ITGB4: variants seen among roughly 807,000 people sequenced by gnomAD.
The protein encoded by ITGB4 is integrin subunit beta 4.
Under a neutral mutation model 207.6 loss-of-function variants are expected in ITGB4, and 159 were observed. That is an observed-to-expected ratio of 0.77 (90% CI 0.67 to 0.87). The LOEUF is 0.87. Ranked by LOEUF, ITGB4 falls within the 40% of genes least tolerant of loss-of-function variation. ITGB4 has a pLI of 0.00. For missense variants in ITGB4, 2,278 were observed against 2,546.8 expected, an observed-to-expected ratio of 0.89 and a Z score of 2.27; for synonymous variants, 1,020 against 1,062.7, an observed-to-expected ratio of 0.96 and a Z score of 0.78.
chr17:75,755,026 C>G (rs773261172), intron 34 of ITGB4: 9 of 1,586,396 alleles, frequency 5.7e-6, no homozygotes, highest in Non-Finnish European at 7.7e-6. Context: ...ACTCCCTGCT[C>G]CTCTCACTCT....
rs987495799 is a variant in ITGB4, at chr17:75,742,550, C to A, written c.2783-32C>A. On this transcript the variant is annotated intron_variant, in intron 24 of 39. Coordinates refer to ENST00000200181, the MANE Select transcript of ITGB4 (RefSeq NM_000213.5). This position sits in a 1 kb window ranked among gnomAD's most constrained non-coding sequence, Gnocchi z 5.9. ...CCTCCCGCCTGTGTGGCCCTGTGAC[C>A]CACCTCTGACCACCTCCGAACCCCC... The A allele has an allele frequency of 6.2e-7, 1 of 1,613,596 alleles. No homozygotes were observed. Among genetic ancestry groups the A allele is most frequent in the South Asian group, 1.1e-5 (1 of 91,076 alleles).
At position 75,740,474 on chromosome 17, in the gene ITGB4, G is replaced by A. The variant is rs1278649423; in HGVS notation, c.2550+13G>A. On this transcript the variant is annotated intron_variant, in intron 21 of 39. Transcript: ENST00000200181. This position sits in a 1 kb window ranked among gnomAD's most constrained non-coding sequence, Gnocchi z 5.9. ...GGTGGAGGAGAACGTAAGGACCCAG[G>A]AACTAGGCCTGGCCGGAGATGTGGG... 6.2e-7 allele frequency: 1 copy of A among 1,602,518 alleles called. No homozygotes were observed. Among genetic ancestry groups the A allele is most frequent in the Non-Finnish European group, 8.5e-7 (1 of 1,170,192 alleles).
At position 75,739,799 on chromosome 17, in the gene ITGB4, G is replaced by A. The variant is rs2061064143; in HGVS notation, c.2255-81G>A. 1 of 1,606,064 alleles carries A rather than the reference G, an allele frequency of 6.2e-7. No individual in the cohort carries two copies. Among genetic ancestry groups the A allele is most frequent in the African/African-American group, 1.3e-5 (1 of 74,866 alleles). On this transcript the variant is annotated intron_variant, in intron 19 of 39. Coordinates refer to ENST00000200181, the MANE Select transcript of ITGB4 (RefSeq NM_000213.5). This position sits in a 1 kb window ranked among gnomAD's most constrained non-coding sequence, Gnocchi z 5.4. Reference sequence around the variant, plus strand: ...AGCTGAACCTGGAACGGCAGAGGCTGGAGGCTCTGGGGTCCCACCTGAAGA... The same window carrying A: ...AGCTGAACCTGGAACGGCAGAGGCTAGAGGCTCTGGGGTCCCACCTGAAGA...
rs1331370859 is a variant in ITGB4 at position 75,722,731 on chromosome 17, T to C, written c.-11+1119T>C. Among the ~76,000 whole-genome samples the C allele has an allele frequency of 6.6e-6, 1 of 150,530 alleles. No homozygotes were observed. The highest frequency in any genetic ancestry group is 1.5e-5 in the Non-Finnish European group (1 of 67,632). On this transcript the variant is annotated intron_variant, in intron 1 of 39. Coordinates refer to ENST00000200181, the MANE Select transcript of ITGB4 (RefSeq NM_000213.5). This position sits in a 1 kb window ranked among gnomAD's most constrained non-coding sequence, Gnocchi z 6.2. Reference sequence around the variant, plus strand: ...GTTGGGATGGGGGCCAGGGGAGCTCTGAGCCTGTGGGTGGGTGGGCATGGC... The same window carrying C: ...GTTGGGATGGGGGCCAGGGGAGCTCCGAGCCTGTGGGTGGGTGGGCATGGC...
In ITGB4 at chr17:75,729,244, C is replaced by G. The variant is rs1377100639; in HGVS notation, c.567-21C>G. ...GCGTCTTCCCCCTGTGACACTCTCT[C>G]TCCCTCCCACCTCTGCCCAGGCTGA... On this transcript the variant is annotated intron_variant, in intron 6 of 39. Transcript: ENST00000200181. The surrounding 1 kb of genome is among the most constrained non-coding windows in gnomAD (Gnocchi z 4.4). 6.2e-7 allele frequency: 1 copy of G among 1,612,094 alleles called. No individual in the cohort carries two copies. Among genetic ancestry groups the G allele is most frequent in the Admixed American group, 1.7e-5 (1 of 59,958 alleles).
At chr17:75,747,506 G>A (rs1168807951) in intron 26 of ITGB4, among the ~76,000 whole-genome samples, 1 of 152,014 alleles carries the variant, frequency 6.6e-6, no homozygotes, top group African/African-American at 2.4e-5. Context: ...AAATAAAATA[G>A]GTCCATATTC....
At chr17:75,726,306 A>G (rs2060715420) in intron 2 of ITGB4, among the ~76,000 whole-genome samples, 1 of 152,194 alleles carries the variant, frequency 6.6e-6, no homozygotes. Context: ...ATAAAAAATT[A>G]GCTGGGCTAC....
chr17:75,746,484 G>C (rs946705482), intron 26 of ITGB4: 3 of 150,942 alleles, frequency 2.0e-5, no homozygotes, highest in African/African-American at 4.9e-5. Context: ...GCCCACCTCA[G>C]CCTCCCAAAG....
Position 75,730,268 on chromosome 17 carries a change from A to T in ITGB4, c.766A>T (p.Thr256Ser). 6.2e-7 allele frequency: 1 copy of T among 1,612,984 alleles called. No homozygotes were observed. Among genetic ancestry groups the T allele is most frequent in the Non-Finnish European group, 8.5e-7 (1 of 1,179,946 alleles). Residue 256 changes from threonine (T) to serine (S), a missense_variant, in exon 8 of 40, where the codon ACC becomes TCC. By Grantham distance (58) the Thr-to-Ser change is moderately conservative. Coordinates refer to ENST00000200181, the MANE Select transcript of ITGB4 (RefSeq NM_000213.5). ...TRDIGWRPDS[T>S]HLLVFSTESA... The stretch of plus-strand genomic sequence containing the variant: ...GGACATTGGCTGGCGCCCGGACAGC[A>T]CCCACCTGCTGGTCTTCTCCACCGA...
chr17:75,728,350 T>C (rs1276555248), intron 5 of ITGB4, 27 bp from the exon 6 acceptor site: 2 of 1,604,712 alleles, frequency 1.2e-6, no homozygotes, highest in Admixed American at 3.3e-5. Context: ...GGCTCAGCTA[T>C]CCCCTCTCTG....
chr17:75,733,439 C>A, intron 12 of ITGB4, 51 bp from the exon 13 acceptor site: 1 of 1,456,656 alleles, frequency 6.9e-7, no homozygotes, highest in Non-Finnish European at 9.6e-7. Flanking sequence ...ACAGCAAAAG[C>A]CCCAGCTTTC....
In ITGB4 at chr17:75,740,943, A is replaced by G. The variant is rs1365661525; in HGVS notation, c.2610-39A>G. 5 of 1,613,956 alleles carry G rather than the reference A, an allele frequency of 3.1e-6. No homozygotes were observed. In the East Asian group the frequency reaches 1.1e-4, roughly 36 times the overall value. ...CCCAGGCCGATCAGGCCTCCACTTC[A>G]GGGCTATCTAGCTCACAGCGCCCTC... On this transcript the variant is annotated intron_variant, in intron 22 of 39. Coordinates refer to ENST00000200181, the MANE Select transcript of ITGB4 (RefSeq NM_000213.5). This position sits in a 1 kb window ranked among gnomAD's most constrained non-coding sequence, Gnocchi z 5.9.
rs375133413 is a variant in ITGB4 at position 75,742,770 on chromosome 17, G to C, written c.2962+9G>C. 4.0e-5 allele frequency: 64 copies of C among 1,604,214 alleles called. No homozygotes were observed. The African/African-American group carries it at 7.6e-4, about 19-fold the overall frequency. ...CATCATCAAGGAGCAAGGTGGGTCT[G>C]GGTGGGGAGAGTGGGGAAGGCAGAC... On this transcript the variant is annotated intron_variant, in intron 25 of 39. Coordinates refer to ENST00000200181, the MANE Select transcript of ITGB4 (RefSeq NM_000213.5). This position sits in a 1 kb window ranked among gnomAD's most constrained non-coding sequence, Gnocchi z 5.9.
intron 26 of ITGB4, among the ~76,000 whole-genome samples, chr17:75,747,268 C>T (rs1325858288): frequency 6.6e-6 from 1 of 152,136 alleles, no homozygotes; most frequent in Non-Finnish European, 1.5e-5. Context: ...CACCTGAAGT[C>T]AGGAGTTTGA....
At chr17:75,735,324 G>A (rs978342819) in intron 13 of ITGB4, among the ~76,000 whole-genome samples, 9 of 151,964 alleles carry the variant, frequency 5.9e-5, no homozygotes, top group Non-Finnish European at 1.2e-4. Flanking sequence ...CTGAGCTCAA[G>A]TGATCCTCCC....
chr17:75,750,588 A>C lies in ITGB4; in HGVS notation c.3475-92A>C. The C allele has an allele frequency of 8.4e-7, 1 of 1,184,986 alleles. No individual in the cohort carries two copies. The highest frequency in any genetic ancestry group is 1.5e-5 in the African/African-American group (1 of 66,230). 73.4% of individuals were successfully genotyped at this position (1,184,986 alleles called of 1,614,324 possible). ...CCCTCCCTCGGGCCTCATCTGTGCA[A>C]AGAGGACAGTAAGGGCAGAGGTCAG... is the stretch of plus-strand genomic sequence containing the variant. On this transcript the variant is annotated intron_variant, in intron 28 of 39. Transcript: ENST00000200181. This position sits in a 1 kb window ranked among gnomAD's most constrained non-coding sequence, Gnocchi z 5.5.
At chr17:75,754,335 T>G in intron 33 of ITGB4, 2 of 602,256 alleles carry the variant, frequency 3.3e-6, no homozygotes, top group Non-Finnish European at 5.9e-6. Context: ...ACTGCCAGGG[T>G]CAGCAGTGCT....
rs2061339448 is a variant in ITGB4 at position 75,750,331 on chromosome 17, A to G, written c.3474+63A>G. 6.5e-7 allele frequency: 1 copy of G among 1,537,614 alleles called. No homozygotes were observed. The highest frequency in any genetic ancestry group is 1.4e-5 in the African/African-American group (1 of 73,382). On this transcript the variant is annotated intron_variant, in intron 28 of 39. Coordinates refer to ENST00000200181, the MANE Select transcript of ITGB4 (RefSeq NM_000213.5). The surrounding 1 kb of genome is among the most constrained non-coding windows in gnomAD (Gnocchi z 5.5). ...GCGGTCTGGCACCAGCACTCACAGA[A>G]GAGGTGGGCCGTCCAAGGCCAGGGC... is the stretch of plus-strand genomic sequence containing the variant.
chr17:75,736,165 G>A lies in ITGB4; in HGVS notation c.1761+11G>A, dbSNP rs1275741412. 2 of 1,613,432 alleles carry A rather than the reference G, an allele frequency of 1.2e-6. No individual in the cohort carries two copies. The highest frequency in any genetic ancestry group is 4.5e-5 in the East Asian group (2 of 44,888). On this transcript the variant is annotated intron_variant, in intron 14 of 39. Transcript: ENST00000200181. ...ATCGACAGCAATGGGGTAGGCCTGG[G>A]CATAAGACAGACAGTGTCTGTCAGC...
Sources: gnomAD v4.1 joint callset for allele counts (sites outside exome capture counted in the v4.1 genomes callset) on GRCh38, gnomAD v4.1.1 for gene constraint, Gnocchi (gnomAD v3.1) non-coding constraint, MANE v1.5 for transcripts, NCBI Gene and HGNC (gene_info 2026-07-23, HGNC 2026-07-21) for gene names.